The following FAM135A variants were observed in gnomAD, a reference collection of about 807,000 sequenced individuals.
FAM135A encodes the protein family with sequence similarity 135 member A, also known as protein FAM135A.
FAM135A carries 79 observed loss-of-function variants against 146.8 expected under a neutral mutation model. That is an observed-to-expected ratio of 0.54 (90% CI 0.45 to 0.65). The LOEUF is 0.65. Among genes scored for constraint, FAM135A ranks in the 30% least tolerant of loss-of-function variants. The pLI, the probability that FAM135A is intolerant of heterozygous loss-of-function variation, is 0.00. For synonymous variants in FAM135A, 562 were observed against 603.6 expected, an observed-to-expected ratio of 0.93 and a Z score of 1.01; for missense variants, 1,623 against 1,758.2, an observed-to-expected ratio of 0.92 and a Z score of 1.38.
chr6:70,436,897 C>T (rs1028031701), intron 4 of FAM135A, among the ~76,000 whole-genome samples: 29 of 151,914 alleles, frequency 1.9e-4, no homozygotes, highest in African/African-American at 6.3e-4. Flanking sequence ...AAACTACTAC[C>T]GAAAACCAAA....
chr6:70,548,338 A>G (rs1799216847), intron 20 of FAM135A, among the ~76,000 whole-genome samples: 1 of 152,238 alleles, frequency 6.6e-6, no homozygotes, highest in African/African-American at 2.4e-5. Context: ...ACCAAGTTTA[A>G]AATGCATTTT....
intron 19 of FAM135A, among the ~76,000 whole-genome samples, chr6:70,536,700 AC>A (rs1280223581): frequency 3.3e-5 from 5 of 152,058 alleles, no homozygotes; most frequent in Non-Finnish European, 7.4e-5. Context: ...TATCTTATAA[AC>A]AGTTTTGTCA....
At chr6:70,478,010 G>A (rs1271731293) in intron 8 of FAM135A, among the ~76,000 whole-genome samples, 1 of 151,986 alleles carries the variant, frequency 6.6e-6, no homozygotes, top group East Asian at 1.9e-4. Context: ...TAATTACTCT[G>A]GAAAAGTATG....
rs1397882698 is a variant in FAM135A, at chr6:70,477,336, A to C, written c.542+4A>C. 1 of 1,611,596 alleles carries C rather than the reference A, an allele frequency of 6.2e-7. No individual in the cohort carries two copies. The highest frequency in any genetic ancestry group is 1.1e-5 in the South Asian group (1 of 90,610). On this transcript the variant is annotated splice_donor_region_variant and intron_variant, in intron 8 of 21. Coordinates refer to ENST00000418814, the MANE Select transcript of FAM135A (RefSeq NM_001162529.3). ...CACTACACCAGCCACTAATAAGGTAAATTTGACTAATATTTTTGTATTAAG... is the reference window on the plus strand; with the variant it reads ...CACTACACCAGCCACTAATAAGGTACATTTGACTAATATTTTTGTATTAAG...
intron 5 of FAM135A, among the ~76,000 whole-genome samples, chr6:70,475,164 G>A (rs780015205): frequency 3.3e-5 from 5 of 152,088 alleles, no homozygotes; most frequent in Non-Finnish European, 5.9e-5. Flanking sequence ...TTTCTGCTTC[G>A]ATATTTCCTC....
intron 12 of FAM135A, among the ~76,000 whole-genome samples, chr6:70,506,483 A>C (rs1198096625): frequency 6.6e-6 from 1 of 152,160 alleles, no homozygotes; most frequent in African/African-American, 2.4e-5. Context: ...TGAATAAGTG[A>C]ATGTGGCTGT....
intron 1 of FAM135A, chr6:70,413,918 G>A (rs1766860677): frequency 2.0e-6 from 2 of 985,246 alleles, no homozygotes; most frequent in Non-Finnish European, 1.2e-6. Flanking sequence ...TGAGGGAGGC[G>A]AGGGGCCGCG....
Position 70,526,617 on chromosome 6 carries a change from C to T in FAM135A, c.3533C>T (p.Thr1178Ile). 1 of 1,613,278 alleles carries T rather than the reference C, an allele frequency of 6.2e-7. No homozygotes were observed. The highest frequency in any genetic ancestry group is 2.2e-5 in the East Asian group (1 of 44,846). ...TCCAAAAGTAAATTTGATGCCATTACAAAGCAGCCAAGCAGTACTTCTTAC... is the reference window on the plus strand; with the variant it reads ...TCCAAAAGTAAATTTGATGCCATTATAAAGCAGCCAAGCAGTACTTCTTAC... ...YSSKSKFDAI[T>I]KQPSSTSYNF... The change falls in exon 15 of 22, where the codon ACA (threonine) becomes ATA (isoleucine). Residue 1178 changes from threonine (T) to isoleucine (I), a missense_variant. By Grantham distance (89) the Thr-to-Ile change is moderately conservative. Transcript: ENST00000418814.
At chr6:70,442,960 G>T (rs761800696) in intron 4 of FAM135A, among the ~76,000 whole-genome samples, 1 of 151,940 alleles carries the variant, frequency 6.6e-6, no homozygotes, top group African/African-American at 2.4e-5. Flanking sequence ...TTCCCATTGC[G>T]GTTAATACTA....
chr6:70,547,757 G>A (rs1466046075), intron 20 of FAM135A, among the ~76,000 whole-genome samples: 1 of 152,174 alleles, frequency 6.6e-6, no homozygotes, highest in East Asian at 1.9e-4. Context: ...TTCAATTAAG[G>A]TGTTCATATA....
chr6:70,550,776 T>C (rs376914033), intron 20 of FAM135A, among the ~76,000 whole-genome samples: 7 of 152,232 alleles, frequency 4.6e-5, no homozygotes, highest in East Asian at 3.8e-4. Context: ...TTCCTTTCTA[T>C]CTATGAAGTC....
rs531142973 is a variant in FAM135A at position 70,543,647 on chromosome 6, A to T, written c.4228+5246A>T. ...ATGTGAGAAAAACAATATTAGCTAG[A>T]ACCGTTGTGTGGAGCTATGGAGTTC... On this transcript the variant is annotated intron_variant, in intron 20 of 21. Coordinates refer to ENST00000418814, the MANE Select transcript of FAM135A (RefSeq NM_001162529.3). 4.6e-5 allele frequency among the ~76,000 whole-genome samples: 7 copies of T among 152,352 alleles called. No individual in the cohort carries two copies. In the South Asian group the frequency reaches 6.2e-4, roughly 14 times the overall value.
intron 20 of FAM135A, among the ~76,000 whole-genome samples, chr6:70,554,178 T>G (rs1362163866): frequency 2.7e-5 from 4 of 145,926 alleles, no homozygotes; most frequent in Non-Finnish European, 5.9e-5. Flanking sequence ...GAAAACAAAG[T>G]AAGTTTTGTT....
At chr6:70,512,701 T>C (rs1054464757) in intron 12 of FAM135A, among the ~76,000 whole-genome samples, 7 of 151,896 alleles carry the variant, frequency 4.6e-5, no homozygotes, top group African/African-American at 1.7e-4. Flanking sequence ...ATATATATTC[T>C]AGTTATGGAT....
At chr6:70,424,796 CT>C (rs1299228225) in intron 2 of FAM135A, among the ~76,000 whole-genome samples, 1 of 152,118 alleles carries the variant, frequency 6.6e-6, no homozygotes, top group Admixed American at 6.5e-5. Context: ...GGACTATGGG[CT>C]TTTTATGGGC....
chr6:70,486,122 G>GA (rs776493209), intron 10 of FAM135A: 1 of 1,551,026 alleles, frequency 6.4e-7, no homozygotes, highest in Non-Finnish European at 8.8e-7. Flanking sequence ...GTTTTGTTGT[G>GA]AAAGGAGTAT....
chr6:70,550,950 A>T (rs1582906666), intron 20 of FAM135A, among the ~76,000 whole-genome samples: 1 of 152,190 alleles, frequency 6.6e-6, no homozygotes, highest in East Asian at 1.9e-4. Flanking sequence ...TATGGAGACA[A>T]CATCTTTCCT....
At chr6:70,554,957 A>T (rs1800553298) in intron 20 of FAM135A, among the ~76,000 whole-genome samples, 1 of 152,118 alleles carries the variant, frequency 6.6e-6, no homozygotes, top group Non-Finnish European at 1.5e-5. Context: ...TAACATCTCA[A>T]CTCATTCTAT....
At chr6:70,515,582 C>T (rs6910903) in intron 12 of FAM135A, among the ~76,000 whole-genome samples, 7,015 of 151,762 alleles carry the variant, frequency 0.046, 359 homozygotes, top group African/African-American at 0.11. Flanking sequence ...TAAAAAGATC[C>T]GGGTTGTCAG....
Sources: allele counts gnomAD v4.1 joint callset (sites outside exome capture counted in the v4.1 genomes callset), GRCh38; gene constraint gnomAD v4.1.1; transcripts MANE v1.5; gene names NCBI Gene and HGNC (gene_info 2026-07-23, HGNC 2026-07-21).